Variants in WIPF1 observed in about 807,000 individuals in gnomAD.
WIPF1 encodes WAS/WASL interacting protein family member 1.
In WIPF1, 13 loss-of-function variants were observed where a neutral mutation model predicts 35.4. That is an observed-to-expected ratio of 0.37 (90% CI 0.24 to 0.58). The LOEUF is 0.58. Ranked by LOEUF, WIPF1 falls within the 20% of genes least tolerant of loss-of-function variation. The pLI, the probability that WIPF1 is intolerant of heterozygous loss-of-function variation, is 0.74. For synonymous variants in WIPF1, 267 were observed against 266.3 expected, an observed-to-expected ratio of 1.00 and a Z score of -0.02; for missense variants, 591 against 667.0, an observed-to-expected ratio of 0.89 and a Z score of 1.25.
intron 1 of WIPF1, among the ~76,000 whole-genome samples, chr2:174,672,885 G>A (rs1313644529): frequency 1.3e-5 from 2 of 152,166 alleles, no homozygotes; most frequent in Admixed American, 1.3e-4. Flanking sequence ...CTTTAACAGA[G>A]GACGCAATGC....
At chr2:174,635,779 GGTAACT>G (rs1319551489) in intron 1 of WIPF1, among the ~76,000 whole-genome samples, 2 of 151,962 alleles carry the variant, frequency 1.3e-5, no homozygotes, top group Non-Finnish European at 2.9e-5. Flanking sequence ...TTTTTAGAAA[GGTAACT>G]GTAGACATAT....
chr2:174,671,650 G>C (rs1283174997), intron 1 of WIPF1, among the ~76,000 whole-genome samples: 1 of 152,148 alleles, frequency 6.6e-6, no homozygotes, highest in South Asian at 2.1e-4. Flanking sequence ...CCCAGGGGTA[G>C]GTCTCTAAAA....
At chr2:174,663,317 C>A (rs1687817325) in intron 1 of WIPF1, among the ~76,000 whole-genome samples, 1 of 152,224 alleles carries the variant, frequency 6.6e-6, no homozygotes. Context: ...GTAAAGGTTT[C>A]ACTTGGCAGA....
chr2:174,632,610 G>A (rs1687057263), intron 1 of WIPF1, among the ~76,000 whole-genome samples: 1 of 150,728 alleles, frequency 6.6e-6, no homozygotes, highest in Non-Finnish European at 1.5e-5. Flanking sequence ...TTGGGAGGCT[G>A]AGGCAGGAGA....
At position 174,604,573 on chromosome 2, in the gene WIPF1, A is replaced by T. The variant is rs563645548; in HGVS notation, c.-38-18962T>A. 2.6e-5 allele frequency among the ~76,000 whole-genome samples: 4 copies of T among 150,968 alleles called. No homozygotes were observed. In the South Asian group the frequency reaches 8.3e-4, roughly 31 times the overall value. The stretch of plus-strand genomic sequence containing the variant: ...TTATAAAAAATCATGCTGAAACTTT[A>T]AAATAGTGGAAAAAAAACTAAAATA... On this transcript the variant is annotated intron_variant, in intron 1 of 8. Coordinates refer to the WIPF1 transcript ENST00000272746.
At chr2:174,602,725 T>C (rs1574827482), upstream of WIPF1, among the ~76,000 whole-genome samples, 2 of 152,312 alleles carry the variant, frequency 1.3e-5, no homozygotes, top group East Asian at 1.9e-4. Context: ...GAAACATAGA[T>C]AAATTAAAAA....
At chr2:174,606,365 A>G (rs1178824438) in intron 1 of WIPF1, among the ~76,000 whole-genome samples, 2 of 152,222 alleles carry the variant, frequency 1.3e-5, no homozygotes, top group Non-Finnish European at 2.9e-5. Flanking sequence ...AAACATTTGA[A>G]AAGAACTATG....
intron 1 of WIPF1, among the ~76,000 whole-genome samples, chr2:174,609,828 C>T (rs1235777491): frequency 6.6e-6 from 1 of 152,174 alleles, no homozygotes; most frequent in East Asian, 1.9e-4. Flanking sequence ...GCCAATCAGA[C>T]GATTCTGCTC....
At chr2:174,612,029 C>T (rs1686363583) in intron 1 of WIPF1, among the ~76,000 whole-genome samples, 1 of 152,142 alleles carries the variant, frequency 6.6e-6, no homozygotes, top group Non-Finnish European at 1.5e-5. Context: ...GCTGGGACTA[C>T]AGGTGCATGC....
intron 1 of WIPF1, among the ~76,000 whole-genome samples, chr2:174,634,912 G>C (rs905921161): frequency 6.6e-6 from 1 of 152,182 alleles, no homozygotes; most frequent in South Asian, 2.1e-4. Flanking sequence ...GGGGCAGAGC[G>C]CTCACAGAGG....
intron 1 of WIPF1, among the ~76,000 whole-genome samples, chr2:174,657,561 C>T (rs1687669581): frequency 6.6e-6 from 1 of 151,986 alleles, no homozygotes; most frequent in Non-Finnish European, 1.5e-5. Context: ...TGAACATGAA[C>T]TCCTTTCAAA....
chr2:174,617,655 TCAGAGCAA>T (rs1180140899), intron 1 of WIPF1, among the ~76,000 whole-genome samples: 1 of 152,202 alleles, frequency 6.6e-6, no homozygotes, highest in Non-Finnish European at 1.5e-5. Context: ...CATGGCAGCA[TCAGAGCAA>T]GAAGGAAGTG....
At position 174,571,579 on chromosome 2, in the gene WIPF1, T is replaced by TA; in HGVS notation, c.1129+96dup. On this transcript the variant is annotated intron_variant, in intron 5 of 7. Transcript: ENST00000679041. The surrounding 1 kb of genome is among the most constrained non-coding windows in gnomAD (Gnocchi z 4.6). The stretch of plus-strand genomic sequence containing the variant: ...AAGCACAAAGCAGTCTGAGTTTACT[T>TA]ATGCCTGCTTTTGTTAGACTATCTT... 1 of 1,553,282 alleles carries TA rather than the reference T, an allele frequency of 6.4e-7. No homozygotes were observed. The highest frequency in any genetic ancestry group is 8.9e-7 in the Non-Finnish European group (1 of 1,125,282).
At chr2:174,610,879 T>C (rs1429982114) in intron 1 of WIPF1, among the ~76,000 whole-genome samples, 1 of 152,182 alleles carries the variant, frequency 6.6e-6, no homozygotes, top group Non-Finnish European at 1.5e-5. Context: ...CACTGACCTT[T>C]TCCCCCAGAT....
intron 1 of WIPF1, among the ~76,000 whole-genome samples, chr2:174,632,513 C>T (rs1296817713): frequency 6.6e-6 from 1 of 151,830 alleles, no homozygotes; most frequent in Non-Finnish European, 1.5e-5. Context: ...AGTTCAAGAC[C>T]AGCCTGACCA....
intron 1 of WIPF1, among the ~76,000 whole-genome samples, chr2:174,589,565 G>C (rs185267486): frequency 6.6e-5 from 10 of 152,268 alleles, no homozygotes; most frequent in African/African-American, 2.4e-4. Context: ...AACAGACCAG[G>C]CATTCCTGCC....
At chr2:174,587,136 C>G (rs186505314) in intron 1 of WIPF1, among the ~76,000 whole-genome samples, 7 of 152,126 alleles carry the variant, frequency 4.6e-5, no homozygotes, top group Non-Finnish European at 8.8e-5. Flanking sequence ...TCCTGAGTAG[C>G]TTAGCTAGGA....
chr2:174,613,943 T>A (rs989971917), intron 1 of WIPF1, among the ~76,000 whole-genome samples: 1 of 152,198 alleles, frequency 6.6e-6, no homozygotes. Context: ...ATTTATGTCA[T>A]TTATCTAAAA....
intron 1 of WIPF1, among the ~76,000 whole-genome samples, chr2:174,675,343 T>C (rs868215399): frequency 2.2e-4 from 34 of 152,060 alleles, no homozygotes; most frequent in African/African-American, 7.3e-4. Context: ...AACTACAATG[T>C]AATTTTTATT....
Sources: gnomAD v4.1 joint callset for allele counts (sites outside exome capture counted in the v4.1 genomes callset) on GRCh38, gnomAD v4.1.1 for gene constraint, Gnocchi (gnomAD v3.1) non-coding constraint, MANE v1.5 for transcripts, NCBI Gene and HGNC (gene_info 2026-07-23, HGNC 2026-07-21) for gene names.